ARHGEF28: variants seen among roughly 807,000 people sequenced by gnomAD.
The protein encoded by ARHGEF28 is Rho guanine nucleotide exchange factor 28.
A neutral mutation model predicts 206.6 loss-of-function variants in ARHGEF28; 152 were observed. The observed-to-expected ratio is 0.74, with a 90% confidence interval of 0.64 to 0.84. ARHGEF28 has a LOEUF of 0.84. ARHGEF28 is among the 40% of genes least tolerant of loss of function. ARHGEF28 has a pLI of 0.00. For synonymous variants in ARHGEF28, 763 were observed against 776.4 expected (o/e 0.98, Z 0.29); for missense variants, 2,028 against 2,073.2 (o/e 0.98, Z 0.42).
At chr5:73,640,643 G>A (rs912576074) in intron 1 of ARHGEF28, among the ~76,000 whole-genome samples, 5 of 152,144 alleles carry the variant, frequency 3.3e-5, no homozygotes, top group African/African-American at 1.2e-4. Flanking sequence ...TAAACTTGAG[G>A]AGGGTTTAAA....
intron 35 of ARHGEF28, among the ~76,000 whole-genome samples, chr5:73,912,764 A>G (rs530930475): frequency 2.0e-4 from 30 of 152,352 alleles, no homozygotes; most frequent in African/African-American, 6.5e-4. Flanking sequence ...CTTCTTTAAT[A>G]TATTATCTTA....
chr5:73,705,862 A>G (rs1348200655), intron 2 of ARHGEF28, among the ~76,000 whole-genome samples: 1 of 152,210 alleles, frequency 6.6e-6, no homozygotes, highest in Non-Finnish European at 1.5e-5. Flanking sequence ...CTGGCAGTGA[A>G]TGAAGTGACT....
At chr5:73,794,230 G>C in intron 7 of ARHGEF28, 172 bp from the exon 8 acceptor site, 1 of 541,716 alleles carries the variant, frequency 1.8e-6, no homozygotes, top group Non-Finnish European at 3.2e-6. Context: ...TGGACAGTCG[G>C]GTTATTAGAC....
intron 9 of ARHGEF28, among the ~76,000 whole-genome samples, chr5:73,804,395 C>G (rs1755321180): frequency 6.6e-6 from 1 of 152,098 alleles, no homozygotes; most frequent in African/African-American, 2.4e-5. Flanking sequence ...AGAACTTAAG[C>G]AAAATCAATG....
intron 1 of ARHGEF28, among the ~76,000 whole-genome samples, chr5:73,657,392 T>G (rs537643861): frequency 1.0e-3 from 159 of 152,268 alleles, no homozygotes; most frequent in Non-Finnish European, 2.1e-3. Flanking sequence ...TTTTTAGGAG[T>G]TCTGTCTGGT....
At chr5:73,882,445 A>T in intron 22 of ARHGEF28, 27 bp from the exon 23 acceptor site, 7 of 1,359,250 alleles carry the variant, frequency 5.1e-6, no homozygotes, top group Non-Finnish European at 6.9e-6. Context: ...AAATTTACAA[A>T]CCATTATTTA....
In ARHGEF28 at chr5:73,935,716, A is replaced by G. The variant is rs562165869; in HGVS notation, c.4949-5128A>G. 6.6e-5 allele frequency among the ~76,000 whole-genome samples: 10 copies of G among 152,332 alleles called. No homozygotes were observed. The South Asian group carries it at 1.9e-3, about 28-fold the overall frequency. On this transcript the variant is annotated intron_variant, in intron 35 of 35. Transcript: ENST00000513042. ...TAAAGCCCCCCGCCTTTTTTTAAGT[A>G]GAGTTATTCTAGGAAAGTGTGAATT...
chr5:73,909,158 G>A, intron 33 of ARHGEF28: 2 of 378,686 alleles, frequency 5.3e-6, no homozygotes. Flanking sequence ...TCCCACAGGA[G>A]AGGATGATAT....
intron 1 of ARHGEF28, among the ~76,000 whole-genome samples, chr5:73,637,956 T>C (rs2112131515): frequency 6.6e-6 from 1 of 152,302 alleles, no homozygotes; most frequent in South Asian, 2.1e-4. Context: ...CCTGTTATGG[T>C]GTTCTAAATG....
chr5:73,872,891 TTTC>T (rs1335984234), intron 21 of ARHGEF28, 105 bp from the exon 22 acceptor site: 5 of 1,264,180 alleles, frequency 4.0e-6, no homozygotes, highest in East Asian at 4.9e-5. Context: ...TTCCTAAACA[TTTC>T]TTTTTTATTT....
intron 1 of ARHGEF28, among the ~76,000 whole-genome samples, chr5:73,645,100 A>C (rs1406045488): frequency 1.3e-5 from 2 of 152,204 alleles, no homozygotes; most frequent in Non-Finnish European, 2.9e-5. Context: ...ATCGTTTTAA[A>C]TATCTGGAAA....
intron 35 of ARHGEF28, among the ~76,000 whole-genome samples, chr5:73,930,554 C>T (rs372764986): frequency 2.6e-5 from 4 of 152,228 alleles, no homozygotes; most frequent in African/African-American, 4.8e-5. Flanking sequence ...TACAATGACA[C>T]GTGAACACTT....
At chr5:73,844,838 T>A (rs1758216707) in intron 11 of ARHGEF28, among the ~76,000 whole-genome samples, 1 of 149,768 alleles carries the variant, frequency 6.7e-6, no homozygotes, top group Non-Finnish European at 1.5e-5. Flanking sequence ...CCAGGAAAGC[T>A]GTTGGCCTCC....
rs559001101 is a variant in ARHGEF28 at position 73,929,103 on chromosome 5, A to G, written c.4949-11741A>G. ...CTTAACAGAGACTCCAAGATTGACT[A>G]TCTTAATTTGTTTTGATTATTTACA... On this transcript the variant is annotated intron_variant, in intron 35 of 35. Transcript: ENST00000513042. Among the ~76,000 whole-genome samples, 13 of 152,262 alleles carry G rather than the reference A, an allele frequency of 8.5e-5. No individual in the cohort carries two copies. The South Asian group carries it at 2.5e-3, about 29-fold the overall frequency.
At chr5:73,754,969 C>T (rs190015842) in intron 4 of ARHGEF28, among the ~76,000 whole-genome samples, 4 of 151,708 alleles carry the variant, frequency 2.6e-5, no homozygotes, top group East Asian at 1.9e-4. Context: ...TGGCCTCAGG[C>T]GAGCCTCCCA....
intron 9 of ARHGEF28, among the ~76,000 whole-genome samples, chr5:73,812,118 T>C (rs773118719): frequency 1.3e-5 from 2 of 152,126 alleles, no homozygotes; most frequent in East Asian, 1.9e-4. Context: ...AAAAACACAG[T>C]AGTGATTTAT....
At chr5:73,773,141 A>G (rs1355680823) in intron 4 of ARHGEF28, among the ~76,000 whole-genome samples, 1 of 152,184 alleles carries the variant, frequency 6.6e-6, no homozygotes, top group Non-Finnish European at 1.5e-5. Flanking sequence ...TTAGGAATAA[A>G]ATACCTCAAG....
chr5:73,775,615 A>G (rs116554996), intron 5 of ARHGEF28, among the ~76,000 whole-genome samples: 1,969 of 152,354 alleles, frequency 0.013, 54 homozygotes, highest in African/African-American at 0.044. Context: ...CATTAACAAA[A>G]TTAGGTCATG....
chr5:73,939,009 A>G (rs1272444280), intron 35 of ARHGEF28, among the ~76,000 whole-genome samples: 1 of 147,756 alleles, frequency 6.8e-6, no homozygotes, highest in Non-Finnish European at 1.5e-5. Flanking sequence ...TAAGGGAGGG[A>G]AAGTATTAAA....
Sources: allele counts gnomAD v4.1 joint callset (sites outside exome capture counted in the v4.1 genomes callset), GRCh38; gene constraint gnomAD v4.1.1; transcripts MANE v1.5; gene names NCBI Gene and HGNC (gene_info 2026-07-23, HGNC 2026-07-21).